Variants in LRFN5 observed in about 807,000 individuals in gnomAD.
LRFN5 encodes leucine-rich repeat and fibronectin type-III domain-containing protein 5.
Under a neutral mutation model 45.6 loss-of-function variants are expected in LRFN5, and 24 were observed. The ratio of observed to expected loss-of-function variants is 0.53; its 90% CI spans 0.38 to 0.74. LRFN5 has a LOEUF of 0.74. LRFN5 is among the 30% of genes least tolerant of loss of function. The pLI is 0.00. For synonymous variants in LRFN5, 340 were observed against 313.8 expected (o/e 1.08, Z -0.88); for missense variants, 776 against 861.5 (o/e 0.90, Z 1.24).
intron 2 of LRFN5, among the ~76,000 whole-genome samples, chr14:41,777,313 A>G (rs908759550): frequency 2.7e-4 from 41 of 151,674 alleles, no homozygotes; most frequent in African/African-American, 8.7e-4. Flanking sequence ...ATTTTTAAAT[A>G]ATTACTCTAT....
At chr14:41,676,304 G>A (rs1382502738) in intron 1 of LRFN5, among the ~76,000 whole-genome samples, 6 of 152,230 alleles carry the variant, frequency 3.9e-5, no homozygotes, top group Non-Finnish European at 7.3e-5. Flanking sequence ...CCACTCTGCG[G>A]ATCAAGAGTA....
At chr14:41,773,150 C>T (rs1886150427) in intron 2 of LRFN5, among the ~76,000 whole-genome samples, 1 of 151,986 alleles carries the variant, frequency 6.6e-6, no homozygotes, top group Admixed American at 6.6e-5. Context: ...TCTAAATGGC[C>T]CCAAGTTGTC....
Position 41,654,007 on chromosome 14 carries a change from T to G in LRFN5, c.-197+45445T>G, listed in dbSNP as rs926132297. On this transcript the variant is annotated intron_variant, in intron 1 of 5. Coordinates refer to ENST00000298119, the MANE Select transcript of LRFN5 (RefSeq NM_152447.5). ...GGTGGGAATTGAACAATGAGAACAC[T>G]TGGGCACAGGAAGGGGAACATCACA... Among the ~76,000 whole-genome samples, 12 of 151,712 alleles carry G rather than the reference T, an allele frequency of 7.9e-5. No individual in the cohort carries two copies. The South Asian group carries it at 1.0e-3, about 13-fold the overall frequency.
chr14:41,608,992 C>T (rs926147169), intron 1 of LRFN5, among the ~76,000 whole-genome samples: 3 of 152,210 alleles, frequency 2.0e-5, no homozygotes, highest in Non-Finnish European at 4.4e-5. Flanking sequence ...CCCTTTTCTA[C>T]CTCTGGTGCC....
At chr14:41,650,236 TAC>T (rs1555351105) in intron 1 of LRFN5, among the ~76,000 whole-genome samples, 139 of 128,190 alleles carry the variant, frequency 1.1e-3, no homozygotes, top group South Asian at 1.9e-3. Context: ...TCTACAAAAA[TAC>T]ACACACACAC....
intron 1 of LRFN5, among the ~76,000 whole-genome samples, chr14:41,719,140 G>T (rs989933170): frequency 6.6e-6 from 1 of 152,048 alleles, no homozygotes; most frequent in Non-Finnish European, 1.5e-5. Flanking sequence ...TAATTATCAT[G>T]CAAAACACGA....
chr14:41,767,235 C>T (rs1287367680), intron 2 of LRFN5, among the ~76,000 whole-genome samples: 2 of 150,740 alleles, frequency 1.3e-5, no homozygotes, highest in Non-Finnish European at 3.0e-5. Flanking sequence ...AACCTCTATC[C>T]TTATGGAATT....
chr14:41,775,550 G>A (rs1183302007), intron 2 of LRFN5, among the ~76,000 whole-genome samples: 1 of 152,026 alleles, frequency 6.6e-6, no homozygotes, highest in Non-Finnish European at 1.5e-5. Flanking sequence ...TTAATATCTG[G>A]AAAACAAATA....
chr14:41,904,410 T>G lies in LRFN5; in HGVS notation c.*235T>G, dbSNP rs1891194919. Reference sequence around the variant, plus strand: ...TTTCTTCTGGCCTACAAGTATTTTTTTTTTAAAAAAGAAAAAAAGCCTACA... The same window carrying G: ...TTTCTTCTGGCCTACAAGTATTTTTGTTTTAAAAAAGAAAAAAAGCCTACA... On this transcript the variant is annotated 3_prime_UTR_variant, in exon 6 of 6. Transcript: ENST00000298119. The G allele has an allele frequency of 4.5e-6, 2 of 446,960 alleles. No homozygotes were observed. Among genetic ancestry groups the G allele is most frequent in the Non-Finnish European group, 3.9e-6 (1 of 254,912 alleles). 27.7% of individuals were successfully genotyped at this position (446,960 alleles called of 1,614,324 possible).
chr14:41,726,473 A>G (rs994693704), intron 1 of LRFN5, among the ~76,000 whole-genome samples: 1 of 152,162 alleles, frequency 6.6e-6, no homozygotes, highest in Non-Finnish European at 1.5e-5. Flanking sequence ...ACAAATAATA[A>G]CTAAACTAAA....
At chr14:41,883,411 C>G (rs1213805573) in intron 2 of LRFN5, among the ~76,000 whole-genome samples, 2 of 152,090 alleles carry the variant, frequency 1.3e-5, no homozygotes, top group Non-Finnish European at 2.9e-5. Context: ...GTTCTTTAGC[C>G]ATTTATAAAG....
At chr14:41,876,712 C>T (rs1407065344) in intron 2 of LRFN5, among the ~76,000 whole-genome samples, 1 of 152,044 alleles carries the variant, frequency 6.6e-6, no homozygotes, top group Non-Finnish European at 1.5e-5. Flanking sequence ...TCTCTTTCAT[C>T]CTTCCTGCTT....
chr14:41,631,261 C>T (rs1050162661), intron 1 of LRFN5, among the ~76,000 whole-genome samples: 3 of 152,050 alleles, frequency 2.0e-5, no homozygotes, highest in African/African-American at 4.8e-5. Context: ...TTATTTTTTT[C>T]CACTCTGTGT....
chr14:41,825,090 C>T (rs1284764326), intron 2 of LRFN5, among the ~76,000 whole-genome samples: 1 of 152,190 alleles, frequency 6.6e-6, no homozygotes, highest in African/African-American at 2.4e-5. Flanking sequence ...GAACAGATAG[C>T]TCTGCAGCTC....
intron 1 of LRFN5, chr14:41,731,698 G>GA (rs996833702): frequency 1.1e-4 from 16 of 152,064 alleles, no homozygotes; most frequent in Admixed American, 8.5e-4. Context: ...TCATCAGCCA[G>GA]AAAAATATTT....
intron 1 of LRFN5, among the ~76,000 whole-genome samples, chr14:41,682,164 A>C (rs1225870407): frequency 6.6e-6 from 1 of 151,978 alleles, no homozygotes; most frequent in Non-Finnish European, 1.5e-5. Context: ...TGAACCAATA[A>C]AAAATAATGA....
At chr14:41,812,617 A>G (rs913654136) in intron 2 of LRFN5, among the ~76,000 whole-genome samples, 3 of 151,814 alleles carry the variant, frequency 2.0e-5, no homozygotes, top group African/African-American at 7.2e-5. Context: ...ATATATATAT[A>G]AATTATTGAG....
chr14:41,884,157 T>C (rs948089275), intron 2 of LRFN5, among the ~76,000 whole-genome samples: 2 of 152,240 alleles, frequency 1.3e-5, no homozygotes, highest in Admixed American at 6.5e-5. Context: ...TACTTTGCCT[T>C]GTTTCCCCTT....
chr14:41,727,820 C>T (rs1884001283), intron 1 of LRFN5, among the ~76,000 whole-genome samples: 1 of 151,970 alleles, frequency 6.6e-6, no homozygotes, highest in Admixed American at 6.6e-5. Flanking sequence ...GACTTTGAGC[C>T]AAAATACTTT....
Sources: allele counts gnomAD v4.1 joint callset (sites outside exome capture counted in the v4.1 genomes callset), GRCh38; gene constraint gnomAD v4.1.1; transcripts MANE v1.5; gene names NCBI Gene and HGNC (gene_info 2026-07-23, HGNC 2026-07-21).